Variants in KCNQ1 observed in about 807,000 individuals in gnomAD.
KCNQ1 encodes potassium voltage-gated channel subfamily KQT member 1.
A neutral mutation model predicts 72.4 loss-of-function variants in KCNQ1; 49 were observed. The observed-to-expected ratio is 0.68, with a 90% CI of 0.54 to 0.86. KCNQ1 has a LOEUF of 0.86. Among genes scored for constraint, KCNQ1 ranks in the 40% least tolerant of loss-of-function variants. The pLI is 0.00. For missense variants in KCNQ1, 790 were observed against 945.1 expected (o/e 0.84, Z 2.15); for synonymous variants, 450 against 412.6 (o/e 1.09, Z -1.10).
rs936293820 is a variant in KCNQ1 at position 2,735,503 on chromosome 11, C to G, written c.1515-33341C>G. On this transcript the variant is annotated intron_variant, in intron 11 of 15. Transcript: ENST00000155840. This position sits in a 1 kb window ranked among gnomAD's most constrained non-coding sequence, Gnocchi z 7.7. ...TCAGCCACCGTCCTGAAGTGCCCCTCACCCACCCATCCACACCCCGCAGGC... is the reference window on the plus strand; with the variant it reads ...TCAGCCACCGTCCTGAAGTGCCCCTGACCCACCCATCCACACCCCGCAGGC... 8.5e-5 allele frequency among the ~76,000 whole-genome samples: 13 copies of G among 152,096 alleles called. No individual in the cohort carries two copies. Among genetic ancestry groups the G allele is most frequent in the African/African-American group, 2.9e-4 (12 of 41,414 alleles).
chr11:2,536,301 C>T lies in KCNQ1; in HGVS notation c.477+8283C>T, dbSNP rs1847730666. On this transcript the variant is annotated intron_variant, in intron 2 of 15. Coordinates refer to ENST00000155840, the MANE Select transcript of KCNQ1 (RefSeq NM_000218.3). This position sits in a 1 kb window ranked among gnomAD's most constrained non-coding sequence, Gnocchi z 7.4. ...GGCTTCCTGTACTTGGTGATAAACA[C>T]ACCATCCGCACTGCCTGCGGCTCTT... Among the ~76,000 whole-genome samples, 1 of 152,220 alleles carries T rather than the reference C, an allele frequency of 6.6e-6. No individual in the cohort carries two copies. The highest frequency in any genetic ancestry group is 2.1e-4 in the South Asian group (1 of 4,832).
intron 11 of KCNQ1, among the ~76,000 whole-genome samples, chr11:2,749,580 C>T (rs9888191): frequency 0.1 from 13,571 of 130,848 alleles, 127 homozygotes; most frequent in East Asian, 0.19. Flanking sequence ...GAGGCCGAGG[C>T]GGGCGGATCA....
intron 11 of KCNQ1, chr11:2,682,000 C>A (rs1247005766): frequency 5.0e-6 from 2 of 398,484 alleles, no homozygotes; most frequent in Non-Finnish European, 8.8e-6. Flanking sequence ...TTTCACTAAT[C>A]CTCACAGCAG....
chr11:2,527,989 G>T lies in KCNQ1; in HGVS notation c.448G>T (p.Ala150Ser). 2 of 1,613,958 alleles carry T rather than the reference G, an allele frequency of 1.2e-6. No homozygotes were observed. The highest frequency in any genetic ancestry group is 8.5e-7 in the Non-Finnish European group (1 of 1,179,954). Residue 150 changes from alanine to serine, a missense_variant, in exon 2 of 16, where the codon GCC (alanine) becomes TCC (serine). By Grantham distance (99) the Ala-to-Ser change is moderately conservative. Coordinates refer to ENST00000155840, the MANE Select transcript of KCNQ1 (RefSeq NM_000218.3). ...SVLSTIEQYA[A>S]LATGTLFWME... ...GCTGTCCACCATCGAGCAGTATGCC[G>T]CCCTGGCCACGGGGACTCTCTTCTG...
At chr11:2,786,232 T>C (rs2411883) in intron 15 of KCNQ1, among the ~76,000 whole-genome samples, 26,179 of 152,082 alleles carry the variant, frequency 0.17, 2,507 homozygotes, top group South Asian at 0.21. Flanking sequence ...GTTATCAAAA[T>C]TCTTTTTTCT....
In KCNQ1 at chr11:2,648,981, CTTTTTTTTTTTT is replaced by C; in HGVS notation, c.1394-12968_1394-12957del. ...CCTCCTTTGTCTCTTTTTTCTTTTT[CTTTTTTTTTTTT>C]TTTTTTTTTTTGACTCAGTATTTTT... On this transcript the variant is annotated intron_variant, in intron 10 of 15. Coordinates refer to ENST00000155840, the MANE Select transcript of KCNQ1 (RefSeq NM_000218.3). 34 of 313,716 alleles carry C rather than the reference CTTTTTTTTTTTT, an allele frequency of 1.1e-4. No individual in the cohort carries two copies. The African/African-American group carries it at 1.3e-3, about 12-fold the overall frequency. 19.4% of individuals were successfully genotyped at this position (313,716 alleles called of 1,614,324 possible).
chr11:2,684,101 C>T (rs902476099), intron 11 of KCNQ1: 4 of 398,442 alleles, frequency 1.0e-5, no homozygotes, highest in African/African-American at 2.1e-5. Flanking sequence ...ATTTCAGAAC[C>T]CTTTCACATA....
rs530650428 is a variant in KCNQ1 at position 2,633,072 on chromosome 11, C to T, written c.1394-28889C>T. ...TCCCTTTTCTCTGCATCCTTGCCAGCATTTGTTATGTTTTGTCTTTTTGAA... is the reference window on the plus strand; with the variant it reads ...TCCCTTTTCTCTGCATCCTTGCCAGTATTTGTTATGTTTTGTCTTTTTGAA... On this transcript the variant is annotated intron_variant, in intron 10 of 15. Transcript: ENST00000155840. 262 of 398,456 alleles carry T rather than the reference C, an allele frequency of 6.6e-4. No individual in the cohort carries two copies. The highest frequency in any genetic ancestry group is 2.6e-3 in the Admixed American group (59 of 22,728). 24.7% of individuals were successfully genotyped at this position (398,456 alleles called of 1,614,324 possible). A position where few individuals can be genotyped will look rare whatever the true frequency, so the allele number is the denominator to read the frequency against.
rs555876766 is a variant in KCNQ1, at chr11:2,470,688, G to T, written c.386+25204G>T. Among the ~76,000 whole-genome samples, 5 of 142,386 alleles carry T rather than the reference G, an allele frequency of 3.5e-5. No individual in the cohort carries two copies. The South Asian group carries it at 9.4e-4, about 27-fold the overall frequency. 93.4% of individuals were successfully genotyped at this position (142,386 alleles called of 152,430 possible). A position where few individuals can be genotyped will look rare whatever the true frequency, so the allele number is the denominator to read the frequency against. ...TCTGGGGTTCCCTCGGCCAAGTGGG[G>T]ATCCACTCAGTTAGGTGGGGGGGGG... On this transcript the variant is annotated intron_variant, in intron 1 of 15. Transcript: ENST00000155840.
chr11:2,739,731 G>C (rs991902910), intron 11 of KCNQ1, among the ~76,000 whole-genome samples: 1 of 152,244 alleles, frequency 6.6e-6, no homozygotes, highest in African/African-American at 2.4e-5. Flanking sequence ...CGGCTGCTCC[G>C]AGGACTGCCG....
chr11:2,681,319 C>G (rs1386379152), intron 11 of KCNQ1: 1 of 398,434 alleles, frequency 2.5e-6, no homozygotes, highest in African/African-American at 2.1e-5. Flanking sequence ...TTCTCTGTCT[C>G]TCTCCAACTG....
chr11:2,714,639 G>A (rs950497131), intron 11 of KCNQ1, among the ~76,000 whole-genome samples: 1 of 152,262 alleles, frequency 6.6e-6, no homozygotes, highest in East Asian at 1.9e-4. Context: ...AGGAGGAAGC[G>A]GCATGCCAGG....
Position 2,498,157 on chromosome 11 carries a change from C to T in KCNQ1, c.387-29771C>T, listed in dbSNP as rs1846952236. Reference sequence around the variant, plus strand: ...CTCAGGAGGCATGGGGCTCAGGGACCCACTTGAGGAGGCAGTCTGTCCCTT... The same window carrying T: ...CTCAGGAGGCATGGGGCTCAGGGACTCACTTGAGGAGGCAGTCTGTCCCTT... On this transcript the variant is annotated intron_variant, in intron 1 of 15. Coordinates refer to ENST00000155840, the MANE Select transcript of KCNQ1 (RefSeq NM_000218.3). The surrounding 1 kb of genome is among the most constrained non-coding windows in gnomAD (Gnocchi z 4.8). Among the ~76,000 whole-genome samples, 1 of 152,174 alleles carries T rather than the reference C, an allele frequency of 6.6e-6. No individual in the cohort carries two copies. The highest frequency in any genetic ancestry group is 1.5e-5 in the Non-Finnish European group (1 of 68,036).
rs922641918 is a variant in KCNQ1, at chr11:2,645,775, A to G, written c.1394-16186A>G. 78 of 398,638 alleles carry G rather than the reference A, an allele frequency of 2.0e-4. No individual in the cohort carries two copies. The highest frequency in any genetic ancestry group is 2.6e-4 in the Admixed American group (6 of 22,706). The allele number at this position is 398,638 out of a possible 1,614,324, so 24.7% of individuals were successfully genotyped here. A position where few individuals can be genotyped will look rare whatever the true frequency, so the allele number is the denominator to read the frequency against. ...GATGAGATAGAGGGATGTGGGGCCC[A>G]CAGCAGATGCAGTCTGGTGGGGGTT... On this transcript the variant is annotated intron_variant, in intron 10 of 15. Coordinates refer to ENST00000155840, the MANE Select transcript of KCNQ1 (RefSeq NM_000218.3). This position sits in a 1 kb window ranked among gnomAD's most constrained non-coding sequence, Gnocchi z 5.8.
At chr11:2,656,830 C>T (rs1849858163) in intron 10 of KCNQ1, 2 of 398,396 alleles carry the variant, frequency 5.0e-6, no homozygotes, top group Non-Finnish European at 8.8e-6. Flanking sequence ...GTCATGTGAC[C>T]TTTATAGTTA....
At chr11:2,610,887 A>G (rs1005184717) in intron 10 of KCNQ1, 3 of 397,920 alleles carry the variant, frequency 7.5e-6, no homozygotes, top group African/African-American at 6.2e-5. Flanking sequence ...ACCTCCCACC[A>G]TTTCATCCAA....
In KCNQ1 at chr11:2,593,825, C is replaced by T. The variant is rs1009555784; in HGVS notation, c.1393+4971C>T. On this transcript the variant is annotated intron_variant, in intron 10 of 15. Transcript: ENST00000155840. This position sits in a 1 kb window ranked among gnomAD's most constrained non-coding sequence, Gnocchi z 6.9. The stretch of plus-strand genomic sequence containing the variant: ...CTTTCATGCACTCCTCCATTCAAAG[C>T]CGTGTGTTCTGATTGTGCACTTTTG... Among the ~76,000 whole-genome samples the T allele has an allele frequency of 1.3e-5, 2 of 152,132 alleles. No individual in the cohort carries two copies. The highest frequency in any genetic ancestry group is 1.3e-4 in the Admixed American group (2 of 15,280).
In KCNQ1 at chr11:2,658,937, A is replaced by T. The variant is rs1173479562; in HGVS notation, c.1394-3024A>T. On this transcript the variant is annotated intron_variant, in intron 10 of 15. Transcript: ENST00000155840. This position sits in a 1 kb window ranked among gnomAD's most constrained non-coding sequence, Gnocchi z 4.9. ...GAAGCAAATTTACCTACTAGATTAG[A>T]GTGTTTAGGACAGACTTTTGCTTTA... The T allele has an allele frequency of 3.3e-5, 13 of 398,348 alleles. No individual in the cohort carries two copies. Among genetic ancestry groups the T allele is most frequent in the East Asian group, 2.1e-4 (6 of 28,086 alleles). The allele number at this position is 398,348 out of a possible 1,614,324, so 24.7% of individuals were successfully genotyped here.
At chr11:2,574,683 C>T (rs546920959) in intron 6 of KCNQ1, among the ~76,000 whole-genome samples, 13 of 152,336 alleles carry the variant, frequency 8.5e-5, no homozygotes, top group East Asian at 3.9e-4. Context: ...CCCCCTCAAC[C>T]GCCGCTTCCC....
Sources: allele counts gnomAD v4.1 joint callset (sites outside exome capture counted in the v4.1 genomes callset), GRCh38; gene constraint gnomAD v4.1.1; non-coding constraint Gnocchi (gnomAD v3.1); transcripts MANE v1.5; gene names NCBI Gene and HGNC (gene_info 2026-07-23, HGNC 2026-07-21).